Variants in NCKAP5 observed in about 807,000 individuals in gnomAD.
The protein encoded by NCKAP5 is nck-associated protein 5.
In NCKAP5, 92 loss-of-function variants were observed where a neutral mutation model predicts 167.0. The observed-to-expected ratio is 0.55, with a 90% confidence interval of 0.47 to 0.66. The LOEUF is 0.66. Among genes scored for constraint, NCKAP5 ranks in the 30% least tolerant of loss-of-function variants. The pLI is 0.00. For synonymous variants in NCKAP5, 891 were observed against 877.4 expected, an observed-to-expected ratio of 1.02 and a Z score of -0.27; for missense variants, 2,378 against 2,315.0, an observed-to-expected ratio of 1.03 and a Z score of -0.56.
At chr2:133,543,493 G>T (rs571358918) in intron 2 of NCKAP5, among the ~76,000 whole-genome samples, 1 of 152,286 alleles carries the variant, frequency 6.6e-6, no homozygotes, top group Non-Finnish European at 1.5e-5. Context: ...AGATAAAATT[G>T]TCTCTTTTTG....
intron 8 of NCKAP5, among the ~76,000 whole-genome samples, chr2:132,883,724 G>A (rs1691980411): frequency 1.3e-5 from 2 of 152,192 alleles, no homozygotes; most frequent in African/African-American, 4.8e-5. Context: ...CTGGCAGCAG[G>A]AGTTACATGG....
the NCKAP5 span, among the ~76,000 whole-genome samples, chr2:133,656,938 C>T: frequency 2.0e-5 from 3 of 152,132 alleles, no homozygotes; most frequent in Non-Finnish European, 4.4e-5. Flanking sequence ...ACCCTTTCCC[C>T]TGAGTACCCA....
At chr2:132,878,789 A>T (rs1691519988) in intron 9 of NCKAP5, 59 bp downstream of exon 9, 1 of 1,249,208 alleles carries the variant, frequency 8.0e-7, no homozygotes, top group South Asian at 1.2e-5. Context: ...TTTTGAGATC[A>T]GATTAAGGGA....
rs556655395 is a variant in NCKAP5, at chr2:133,242,681, G to A, written c.144-28902C>T. Among the ~76,000 whole-genome samples the A allele has an allele frequency of 5.3e-4, 80 of 152,214 alleles. 2 individuals carry two copies. The highest frequency in any genetic ancestry group is 1.2e-3 in the South Asian group (6 of 4,820). ...TCTTAGAAGACAGCTCCAATCTATCGACTTTAAAAGAAATACAAATGAATG... is the reference window on the plus strand; with the variant it reads ...TCTTAGAAGACAGCTCCAATCTATCAACTTTAAAAGAAATACAAATGAATG... On this transcript the variant is annotated intron_variant, in intron 4 of 19. Transcript: ENST00000409261.
chr2:132,830,512 G>C (rs546749896), intron 11 of NCKAP5, among the ~76,000 whole-genome samples: 3 of 152,126 alleles, frequency 2.0e-5, no homozygotes, highest in South Asian at 2.1e-4. Flanking sequence ...TGGGAGCTCC[G>C]TGACCACCAG....
chr2:132,708,649 G>C (rs149756979), intron 19 of NCKAP5, among the ~76,000 whole-genome samples: 1 of 152,202 alleles, frequency 6.6e-6, no homozygotes, highest in African/African-American at 2.4e-5. Context: ...TGAGGGAAAG[G>C]ACACAAGCCC....
intron 16 of NCKAP5, among the ~76,000 whole-genome samples, chr2:132,744,178 T>C (rs916940002): frequency 6.6e-6 from 1 of 151,694 alleles, no homozygotes; most frequent in African/African-American, 2.4e-5. Context: ...ATTTAAAACT[T>C]TGACCAATGT....
Position 132,790,065 on chromosome 2 carries a change from G to A in NCKAP5, c.1050C>T (p.Gly350=). The part of the protein sequence containing the change: ...LSSTCSEYSS[G]SSYTWHDGKN... ...TCCCATCGTGCCACGTGTAGGAGGAGCCACTGGAGTACTCGCTGCAGGTGC... is the reference window on the plus strand; with the variant it reads ...TCCCATCGTGCCACGTGTAGGAGGAACCACTGGAGTACTCGCTGCAGGTGC... The change falls in exon 13 of 20, where the codon GGC becomes GGT. Residue 350 remains glycine (G), a synonymous_variant. Transcript: ENST00000409261. 1 of 1,613,316 alleles carries A rather than the reference G, an allele frequency of 6.2e-7. No homozygotes were observed. The highest frequency in any genetic ancestry group is 8.5e-7 in the Non-Finnish European group (1 of 1,179,556).
At position 132,673,241 on chromosome 2, in the gene NCKAP5, T is replaced by G; in HGVS notation, c.*48A>C. 1 of 1,500,528 alleles carries G rather than the reference T, an allele frequency of 6.7e-7. No homozygotes were observed. The highest frequency in any genetic ancestry group is 8.9e-7 in the Non-Finnish European group (1 of 1,128,270). 93.0% of individuals were successfully genotyped at this position (1,500,528 alleles called of 1,614,324 possible). A position where few individuals can be genotyped will look rare whatever the true frequency, so the allele number is the denominator to read the frequency against. On this transcript the variant is annotated 3_prime_UTR_variant, in exon 20 of 20. Transcript: ENST00000409261. ...ATTGCTGTTAAATTTATTGAATGAC[T>G]CTAGGGAAATTTTCGATAATCTATT...
At chr2:133,055,688 A>G (rs2079774806) in intron 6 of NCKAP5, among the ~76,000 whole-genome samples, 1 of 152,128 alleles carries the variant, frequency 6.6e-6, no homozygotes, top group East Asian at 1.9e-4. Flanking sequence ...GTTGGGCATC[A>G]TTTGTTGCAT....
chr2:133,224,796 T>G (rs1401840879), intron 4 of NCKAP5, among the ~76,000 whole-genome samples: 1 of 152,172 alleles, frequency 6.6e-6, no homozygotes, highest in East Asian at 1.9e-4. Flanking sequence ...TCGCCTAATT[T>G]TAATACAGAT....
chr2:132,709,004 G>A (rs1046323851), intron 19 of NCKAP5, among the ~76,000 whole-genome samples: 1 of 151,950 alleles, frequency 6.6e-6, no homozygotes, highest in African/African-American at 2.4e-5. Flanking sequence ...TTTTTAAAAA[G>A]TTTATTATTA....
At chr2:132,674,601 G>C (rs1445290321) in intron 19 of NCKAP5, among the ~76,000 whole-genome samples, 1 of 152,138 alleles carries the variant, frequency 6.6e-6, no homozygotes, top group African/African-American at 2.4e-5. Flanking sequence ...GACTCAACAA[G>C]GTTGCAATGA....
the NCKAP5 span, among the ~76,000 whole-genome samples, chr2:133,603,461 T>C: frequency 6.6e-6 from 1 of 151,976 alleles, no homozygotes; most frequent in South Asian, 2.1e-4. Context: ...CCCACCTCAG[T>C]TGATCCGCCT....
At chr2:133,251,250 G>A (rs2088307094) in intron 4 of NCKAP5, among the ~76,000 whole-genome samples, 1 of 152,114 alleles carries the variant, frequency 6.6e-6, no homozygotes, top group South Asian at 2.1e-4. Context: ...GTTTGGTATC[G>A]GGGACTTGAG....
At chr2:132,861,502 A>T (rs749411492) in intron 10 of NCKAP5, among the ~76,000 whole-genome samples, 4 of 35,194 alleles carry the variant, frequency 1.1e-4, no homozygotes, top group African/African-American at 8.0e-4. Flanking sequence ...TGATGTTAAT[A>T]AAAAAAAAAA....
At chr2:133,014,939 A>G (rs1476949244) in intron 6 of NCKAP5, among the ~76,000 whole-genome samples, 1 of 152,250 alleles carries the variant, frequency 6.6e-6, no homozygotes. Flanking sequence ...CAATTGACCT[A>G]TAAAAATGAC....
At chr2:133,385,949 T>C (rs571403861) in intron 3 of NCKAP5, among the ~76,000 whole-genome samples, 2 of 152,146 alleles carry the variant, frequency 1.3e-5, no homozygotes, top group East Asian at 3.9e-4. Context: ...TCTTCTTTAT[T>C]AGTCTTGTTA....
At chr2:133,572,734 G>A (rs1428770395), upstream of NCKAP5, among the ~76,000 whole-genome samples, 2 of 152,168 alleles carry the variant, frequency 1.3e-5, no homozygotes, top group African/African-American at 4.8e-5. Flanking sequence ...AGGAAGCACA[G>A]GAAATTTTAG....
Sources: gnomAD v4.1 joint callset for allele counts (sites outside exome capture counted in the v4.1 genomes callset) on GRCh38, gnomAD v4.1.1 for gene constraint, MANE v1.5 for transcripts, NCBI Gene and HGNC (gene_info 2026-07-23, HGNC 2026-07-21) for gene names.